Variants in MCUB observed in about 807,000 individuals in gnomAD.
MCUB encodes the protein calcium uniporter regulatory subunit MCUb, mitochondrial.
Under a neutral mutation model 41.4 loss-of-function variants are expected in MCUB, and 46 were observed. The observed-to-expected ratio is 1.11, with a 90% CI of 0.88 to 1.42. The LOEUF is 1.42. Ranked by LOEUF, MCUB falls within the 40% of genes most tolerant of loss-of-function variation. The pLI, the probability that MCUB is intolerant of heterozygous loss-of-function variation, is 0.00. For missense variants in MCUB, 403 were observed against 404.9 expected, an observed-to-expected ratio of 1.00 and a Z score of 0.04; for synonymous variants, 148 against 148.2, an observed-to-expected ratio of 1.00 and a Z score of 0.01.
chr4:109,572,628 AAG>A (rs1173813825), intron 1 of MCUB, among the ~76,000 whole-genome samples: 1 of 152,146 alleles, frequency 6.6e-6, no homozygotes, highest in Non-Finnish European at 1.5e-5. Context: ...TATATTTAGA[AAG>A]AGATTAATAA....
At chr4:109,586,673 CCTTT>C (rs1413953268) in intron 1 of MCUB, among the ~76,000 whole-genome samples, 4 of 152,124 alleles carry the variant, frequency 2.6e-5, no homozygotes, top group Non-Finnish European at 4.4e-5. Context: ...TGATGCTATT[CCTTT>C]CTGTTTGTTA....
chr4:109,623,808 G>T (rs1185040290), intron 1 of MCUB, among the ~76,000 whole-genome samples: 1 of 152,136 alleles, frequency 6.6e-6, no homozygotes, highest in Non-Finnish European at 1.5e-5. Flanking sequence ...TTCTTCCACA[G>T]GCAAGAGAAT....
chr4:109,672,819 T>A (rs1349252607), intron 4 of MCUB, among the ~76,000 whole-genome samples: 2 of 152,232 alleles, frequency 1.3e-5, no homozygotes, highest in African/African-American at 2.4e-5. Flanking sequence ...TGTGTCTTTG[T>A]GACTTGCTCC....
chr4:109,597,264 G>T (rs1285802673), intron 1 of MCUB, among the ~76,000 whole-genome samples: 11 of 152,158 alleles, frequency 7.2e-5, no homozygotes, highest in Non-Finnish European at 1.3e-4. Flanking sequence ...TCCCAGACAG[G>T]GTGGTGGCCG....
intron 1 of MCUB, among the ~76,000 whole-genome samples, chr4:109,638,887 T>C (rs1369491329): frequency 6.6e-6 from 1 of 152,194 alleles, no homozygotes; most frequent in Non-Finnish European, 1.5e-5. Flanking sequence ...AGTTTTATTA[T>C]GAGATTGCAG....
At chr4:109,629,406 C>T (rs896291781) in intron 1 of MCUB, among the ~76,000 whole-genome samples, 1 of 152,172 alleles carries the variant, frequency 6.6e-6, no homozygotes, top group Non-Finnish European at 1.5e-5. Flanking sequence ...CCCCTAGTCA[C>T]CAAGAATTGC....
intron 1 of MCUB, among the ~76,000 whole-genome samples, chr4:109,643,846 G>A (rs1303784673): frequency 1.3e-5 from 2 of 152,182 alleles, no homozygotes; most frequent in Non-Finnish European, 2.9e-5. Context: ...CCAGTCTGTA[G>A]TACATTGCTA....
intron 1 of MCUB, among the ~76,000 whole-genome samples, chr4:109,610,875 G>A (rs979834186): frequency 6.6e-6 from 1 of 152,040 alleles, no homozygotes; most frequent in African/African-American, 2.4e-5. Flanking sequence ...CATATATAAT[G>A]TACAGTAAAA....
At chr4:109,594,773 C>A (rs1287187064) in intron 1 of MCUB, among the ~76,000 whole-genome samples, 6 of 143,760 alleles carry the variant, frequency 4.2e-5, no homozygotes, top group Non-Finnish European at 8.9e-5. Context: ...CGGAAAAATT[C>A]TCTTTCTTTT....
chr4:109,562,527 C>CT (rs1726665527), intron 1 of MCUB, among the ~76,000 whole-genome samples: 1 of 152,202 alleles, frequency 6.6e-6, no homozygotes, highest in African/African-American at 2.4e-5. Flanking sequence ...ATTTTTCATT[C>CT]TAAGATATCA....
intron 4 of MCUB, among the ~76,000 whole-genome samples, chr4:109,672,925 C>T (rs1729491755): frequency 6.6e-6 from 1 of 152,140 alleles, no homozygotes; most frequent in Non-Finnish European, 1.5e-5. Flanking sequence ...TTTTATCAGC[C>T]ATTTCTCTGA....
chr4:109,606,278 T>C (rs1727868869), intron 1 of MCUB, among the ~76,000 whole-genome samples: 1 of 150,954 alleles, frequency 6.6e-6, no homozygotes, highest in African/African-American at 2.4e-5. Context: ...CCTGGCCTGT[T>C]TTTTTTGTTT....
At chr4:109,576,181 C>A (rs548959746) in intron 1 of MCUB, among the ~76,000 whole-genome samples, 1 of 152,176 alleles carries the variant, frequency 6.6e-6, no homozygotes. Context: ...GAGGACTTCC[C>A]AACCTCAATA....
chr4:109,590,002 G>C (rs1220957292), intron 1 of MCUB, among the ~76,000 whole-genome samples: 1 of 152,178 alleles, frequency 6.6e-6, no homozygotes, highest in Non-Finnish European at 1.5e-5. Flanking sequence ...AATTTGTCTA[G>C]TGGTAAGCTC....
At position 109,685,236 on chromosome 4, in the gene MCUB, C is replaced by T. The variant is rs200145381; in HGVS notation, c.817-15C>T. Reference sequence around the variant, plus strand: ...CAAAACATGTTGTTTTCTTCTCTCTCTCTTTTTTTTTAAGGATTATACTTA... The same window carrying T: ...CAAAACATGTTGTTTTCTTCTCTCTTTCTTTTTTTTTAAGGATTATACTTA... On this transcript the variant is annotated splice_polypyrimidine_tract_variant and intron_variant, in intron 6 of 7. Transcript: ENST00000394650. 2 of 928,702 alleles carry T rather than the reference C, an allele frequency of 2.2e-6. No individual in the cohort carries two copies. Among genetic ancestry groups the T allele is most frequent in the African/African-American group, 4.9e-5 (1 of 20,336 alleles). 57.5% of individuals were successfully genotyped at this position (928,702 alleles called of 1,614,324 possible). A position where few individuals can be genotyped will look rare whatever the true frequency, so the allele number is the denominator to read the frequency against.
chr4:109,640,319 T>C (rs1282683061), intron 1 of MCUB, among the ~76,000 whole-genome samples: 1 of 152,222 alleles, frequency 6.6e-6, no homozygotes, highest in Admixed American at 6.5e-5. Flanking sequence ...TCTGGATGTA[T>C]ATGTGCAGGT....
At chr4:109,615,081 C>G (rs568890346) in intron 1 of MCUB, among the ~76,000 whole-genome samples, 6 of 152,268 alleles carry the variant, frequency 3.9e-5, no homozygotes, top group Admixed American at 3.3e-4. Flanking sequence ...CTATTAGATT[C>G]CAAACTCTCT....
intron 1 of MCUB, among the ~76,000 whole-genome samples, chr4:109,634,783 TG>T (rs2126138940): frequency 6.6e-6 from 1 of 152,312 alleles, no homozygotes; most frequent in Admixed American, 6.5e-5. Context: ...AAGGGGTCCT[TG>T]GACATTTTCA....
In MCUB at chr4:109,560,353, C is replaced by G. The variant is rs1371762006; in HGVS notation, c.16C>G (p.Leu6Val). 1.5e-6 allele frequency: 2 copies of G among 1,314,624 alleles called. No homozygotes were observed. The highest frequency in any genetic ancestry group is 3.1e-5 in the East Asian group (1 of 31,910). 81.4% of individuals were successfully genotyped at this position (1,314,624 alleles called of 1,614,324 possible). A position where few individuals can be genotyped will look rare whatever the true frequency, so the allele number is the denominator to read the frequency against. The change falls in exon 1 of 8, where the codon CTC becomes GTC. Residue 6 changes from leucine to valine, a missense_variant. Leu to Val is a conservative substitution (Grantham distance 32). Coordinates refer to ENST00000394650, the MANE Select transcript of MCUB (RefSeq NM_017918.5). MLQRG[L>V]WPWRTRLLPT... ...GGGCGGGAGGATGCTCCAGAGGGGC[C>G]TCTGGCCGTGGCGCACGCGGCTGCT...
Sources: allele counts gnomAD v4.1 joint callset (sites outside exome capture counted in the v4.1 genomes callset), GRCh38; gene constraint gnomAD v4.1.1; transcripts MANE v1.5; gene names NCBI Gene and HGNC (gene_info 2026-07-23, HGNC 2026-07-21).